The following EPHB1 variants were observed in gnomAD, a reference collection of about 807,000 sequenced individuals.
EPHB1 encodes the protein ephrin type-B receptor 1.
A neutral mutation model predicts 94.4 loss-of-function variants in EPHB1; 30 were observed. The ratio of observed to expected loss-of-function variants is 0.32; its 90% CI spans 0.24 to 0.43. The LOEUF (loss-of-function observed/expected upper bound fraction) is 0.43, where lower values mean the gene tolerates loss of function less well. Among genes scored for constraint, EPHB1 ranks in the 20% least tolerant of loss-of-function variants. The pLI is 1.00. For missense variants in EPHB1, 1,055 were observed against 1,308.3 expected (o/e 0.81, Z 2.99); for synonymous variants, 522 against 489.1 (o/e 1.07, Z -0.89).
intron 1 of EPHB1, among the ~76,000 whole-genome samples, chr3:134,896,345 C>CA (rs1343437301): frequency 1.3e-5 from 2 of 152,178 alleles, no homozygotes; most frequent in African/African-American, 2.4e-5. Flanking sequence ...TAATCTGGTG[C>CA]ACTGGATGTG....
At chr3:135,002,317 T>C (rs945498115) in intron 3 of EPHB1, among the ~76,000 whole-genome samples, 1 of 152,212 alleles carries the variant, frequency 6.6e-6, no homozygotes, top group Non-Finnish European at 1.5e-5. Context: ...TCATGGTGCA[T>C]AAGCTTTTTG....
At chr3:134,993,736 A>G (rs1576301249) in intron 3 of EPHB1, among the ~76,000 whole-genome samples, 3 of 152,204 alleles carry the variant, frequency 2.0e-5, no homozygotes, top group Admixed American at 2.0e-4. Context: ...GTGGCTCCCC[A>G]TCACCCTTAA....
chr3:134,866,931 C>T (rs2037392454), intron 1 of EPHB1, among the ~76,000 whole-genome samples: 1 of 152,184 alleles, frequency 6.6e-6, no homozygotes, highest in Admixed American at 6.5e-5. Context: ...GAAAATCAAC[C>T]TCAGAAGGCC....
intron 4 of EPHB1, among the ~76,000 whole-genome samples, chr3:135,112,609 A>G (rs562899384): frequency 7.4e-6 from 1 of 134,428 alleles, no homozygotes; most frequent in Non-Finnish European, 1.5e-5. Flanking sequence ...CTCACTGTTC[A>G]ATTCCGACCT....
intron 15 of EPHB1, among the ~76,000 whole-genome samples, chr3:135,249,757 C>T: frequency 6.6e-6 from 1 of 152,168 alleles, no homozygotes; most frequent in East Asian, 1.9e-4. Flanking sequence ...AGTCTCTTCC[C>T]CATTTAAGTT....
At chr3:134,985,308 A>G (rs1934558838) in intron 3 of EPHB1, among the ~76,000 whole-genome samples, 1 of 151,978 alleles carries the variant, frequency 6.6e-6, no homozygotes, top group South Asian at 2.1e-4. Context: ...ACAGGTGCGC[A>G]CCACCACACC....
At chr3:134,992,583 C>T (rs961269764) in intron 3 of EPHB1, among the ~76,000 whole-genome samples, 2 of 152,220 alleles carry the variant, frequency 1.3e-5, no homozygotes, top group South Asian at 2.1e-4. Context: ...CCCTGCACAG[C>T]GGAAGGGTCT....
chr3:135,081,523 G>C (rs1244851125), intron 3 of EPHB1, among the ~76,000 whole-genome samples: 1 of 152,190 alleles, frequency 6.6e-6, no homozygotes, highest in Non-Finnish European at 1.5e-5. Context: ...GCTGAGGCAA[G>C]TAGTACATAG....
At chr3:135,168,230 G>T (rs951261091) in intron 9 of EPHB1, among the ~76,000 whole-genome samples, 4 of 152,222 alleles carry the variant, frequency 2.6e-5, no homozygotes, top group African/African-American at 9.6e-5. Context: ...GGCACTTATT[G>T]CTGGAGGGAG....
chr3:135,072,493 A>T (rs906647258), intron 3 of EPHB1, among the ~76,000 whole-genome samples: 3 of 151,906 alleles, frequency 2.0e-5, no homozygotes, highest in Non-Finnish European at 2.9e-5. Flanking sequence ...CTGGAACCTG[A>T]CTCCGTTCTG....
intron 1 of EPHB1, among the ~76,000 whole-genome samples, chr3:134,854,353 T>C (rs2037062988): frequency 6.6e-6 from 1 of 152,150 alleles, no homozygotes; most frequent in Non-Finnish European, 1.5e-5. Flanking sequence ...ATCTGTGTCC[T>C]GGTCTTAATC....
intron 1 of EPHB1, among the ~76,000 whole-genome samples, chr3:134,816,907 G>A (rs2108288332): frequency 6.6e-6 from 1 of 152,180 alleles, no homozygotes. Flanking sequence ...CTCAGTGTGA[G>A]CAGGTCTGGA....
intron 3 of EPHB1, among the ~76,000 whole-genome samples, chr3:135,079,014 C>G (rs868816426): frequency 4.6e-5 from 7 of 151,750 alleles, no homozygotes; most frequent in Admixed American, 4.6e-4. Context: ...CAGCACCCAG[C>G]ATTACAGTGT....
At chr3:134,896,483 T>C (rs1022380171) in intron 1 of EPHB1, among the ~76,000 whole-genome samples, 2 of 152,246 alleles carry the variant, frequency 1.3e-5, no homozygotes, top group African/African-American at 4.8e-5. Context: ...CTTGTTGTCG[T>C]GAATATTACT....
chr3:135,006,360 G>A (rs73214194), intron 3 of EPHB1, among the ~76,000 whole-genome samples: 5,451 of 152,160 alleles, frequency 0.036, 151 homozygotes, highest in Non-Finnish European at 0.053. Flanking sequence ...ACAGAATTTC[G>A]TGTTGGGGAT....
intron 1 of EPHB1, among the ~76,000 whole-genome samples, chr3:134,853,646 G>A (rs13073341): frequency 0.55 from 83,230 of 152,056 alleles, 25,596 homozygotes; most frequent in East Asian, 0.8. Context: ...TCGGAGGAGA[G>A]GTCTGTGTCT....
intron 1 of EPHB1, among the ~76,000 whole-genome samples, chr3:134,868,185 A>C (rs185243314): frequency 2.0e-5 from 3 of 152,226 alleles, no homozygotes; most frequent in Non-Finnish European, 4.4e-5. Context: ...AATGCTACTT[A>C]AGATCTCTGG....
At chr3:134,973,060 G>A (rs947346345) in intron 3 of EPHB1, among the ~76,000 whole-genome samples, 1 of 152,204 alleles carries the variant, frequency 6.6e-6, no homozygotes, top group South Asian at 2.1e-4. Context: ...CAGCAATAAG[G>A]CATTGGAGTC....
chr3:135,201,642 C>T lies in EPHB1; in HGVS notation c.2299C>T (p.Arg767Cys), dbSNP rs759860489. Residue 767 changes from arginine to cysteine, a missense_variant, in exon 12 of 16, where the codon CGC becomes TGC. Physicochemically the swap from Arg to Cys is radical, Grantham distance 180. Coordinates refer to ENST00000398015, the MANE Select transcript of EPHB1 (RefSeq NM_004441.5). ...VCKVSDFGLS[R>C]YLQDDTSDPT... ...CAAGGTGTCCGACTTTGGCCTCTCC[C>T]GCTACCTCCAGGATGACACCTCAGA... The T allele has an allele frequency of 1.3e-5, 21 of 1,613,824 alleles. No individual in the cohort carries two copies. Among genetic ancestry groups the T allele is most frequent in the Non-Finnish European group, 1.7e-5 (20 of 1,179,966 alleles).
Sources: allele counts gnomAD v4.1 joint callset (sites outside exome capture counted in the v4.1 genomes callset), GRCh38; gene constraint gnomAD v4.1.1; transcripts MANE v1.5; gene names NCBI Gene and HGNC (gene_info 2026-07-23, HGNC 2026-07-21).